The following SULF1 variants were observed in gnomAD, a reference collection of about 807,000 sequenced individuals.
SULF1 encodes sulfatase 1, also known as extracellular sulfatase Sulf-1.
Under a neutral mutation model 110.5 loss-of-function variants are expected in SULF1, and 46 were observed. That is an observed-to-expected ratio of 0.42 (90% CI 0.33 to 0.53). The LOEUF (loss-of-function observed/expected upper bound fraction) is 0.53, where lower values mean the gene tolerates loss of function less well. Among genes scored for constraint, SULF1 ranks in the 20% least tolerant of loss-of-function variants. The pLI is 0.12. For synonymous variants in SULF1, 371 were observed against 387.1 expected, an observed-to-expected ratio of 0.96 and a Z score of 0.49; for missense variants, 941 against 1,094.2, an observed-to-expected ratio of 0.86 and a Z score of 1.98.
intron 3 of SULF1, among the ~76,000 whole-genome samples, chr8:69,537,199 G>T (rs182567991): frequency 4.5e-4 from 69 of 152,226 alleles, no homozygotes; most frequent in African/African-American, 1.6e-3. Flanking sequence ...CACTCTATTT[G>T]TCTCTGCTGG....
At chr8:69,618,880 T>A (rs918173312) in intron 13 of SULF1, among the ~76,000 whole-genome samples, 2 of 152,170 alleles carry the variant, frequency 1.3e-5, no homozygotes, top group African/African-American at 4.8e-5. Context: ...TGGTTCATCA[T>A]GAATAATTGC....
chr8:69,604,725 A>G (rs1002208644), intron 12 of SULF1, 78 bp from the exon 13 acceptor site: 24 of 1,555,816 alleles, frequency 1.5e-5, no homozygotes, highest in African/African-American at 2.8e-5. Flanking sequence ...GACAGGGTAA[A>G]AAAAAAAAGG....
At chr8:69,498,053 A>C (rs1168124426) in intron 2 of SULF1, among the ~76,000 whole-genome samples, 1 of 151,906 alleles carries the variant, frequency 6.6e-6, no homozygotes, top group East Asian at 1.9e-4. Context: ...TTATCCTTTC[A>C]TTATAGGAAC....
intron 3 of SULF1, among the ~76,000 whole-genome samples, chr8:69,559,248 C>G (rs1322843810): frequency 6.6e-6 from 1 of 152,198 alleles, no homozygotes; most frequent in African/African-American, 2.4e-5. Context: ...GAAGCCATAT[C>G]AATGAACTTT....
intron 1 of SULF1, chr8:69,469,205 A>G (rs1019491791): frequency 2.6e-5 from 4 of 152,246 alleles, no homozygotes; most frequent in Non-Finnish European, 5.9e-5. Context: ...AGACATATTT[A>G]TGGCGACCTC....
At chr8:69,482,500 A>C (rs1809552366) in intron 1 of SULF1, among the ~76,000 whole-genome samples, 1 of 152,110 alleles carries the variant, frequency 6.6e-6, no homozygotes, top group Admixed American at 6.6e-5. Flanking sequence ...ATAGTGGTAT[A>C]AGATCATGAT....
chr8:69,600,780 T>C (rs756649657), intron 9 of SULF1, 27 bp downstream of exon 9: 72 of 1,604,142 alleles, frequency 4.5e-5, no homozygotes, highest in Non-Finnish European at 6.0e-5. Flanking sequence ...ACCTCAGTGA[T>C]AGTTTTTGGC....
intron 6 of SULF1, among the ~76,000 whole-genome samples, chr8:69,579,278 G>C (rs535523511): frequency 6.6e-6 from 1 of 151,944 alleles, no homozygotes; most frequent in Admixed American, 6.6e-5. Flanking sequence ...TTGGGGCCGG[G>C]TGCAGTGGCT....
chr8:69,652,336 G>A (rs763719681), intron 22 of SULF1, among the ~76,000 whole-genome samples: 4 of 152,188 alleles, frequency 2.6e-5, no homozygotes, highest in African/African-American at 4.8e-5. Flanking sequence ...CATCTTTGCC[G>A]GGTGGAGTCC....
At chr8:69,553,339 C>G (rs148547188) in intron 3 of SULF1, among the ~76,000 whole-genome samples, 284 of 152,308 alleles carry the variant, frequency 1.9e-3, no homozygotes, top group Middle Eastern at 6.8e-3. Context: ...CAAATCCAAG[C>G]CTTTGTGTTT....
At chr8:69,467,492 G>C (rs1015744325) in intron 1 of SULF1, among the ~76,000 whole-genome samples, 18 of 152,216 alleles carry the variant, frequency 1.2e-4, no homozygotes, top group Admixed American at 2.0e-4. Context: ...CTCCTGAAGA[G>C]AAGGGGCTAC....
rs543352062 is a variant in SULF1 at position 69,506,134 on chromosome 8, C to T, written c.-134+4166C>T. Among the ~76,000 whole-genome samples, 3 of 152,070 alleles carry T rather than the reference C, an allele frequency of 2.0e-5. No individual in the cohort carries two copies. In the South Asian group the frequency reaches 6.2e-4, roughly 32 times the overall value. On this transcript the variant is annotated intron_variant, in intron 3 of 22. Coordinates refer to ENST00000402687, the MANE Select transcript of SULF1 (RefSeq NM_001128205.2). Reference sequence around the variant, plus strand: ...ACGGTTCATACAATTTCTGCATTGTCTTTTTAGTTCTTTTAAATTTGTGCA... The same window carrying T: ...ACGGTTCATACAATTTCTGCATTGTTTTTTTAGTTCTTTTAAATTTGTGCA...
intron 19 of SULF1, among the ~76,000 whole-genome samples, chr8:69,632,855 T>A (rs995669487): frequency 6.6e-6 from 1 of 151,776 alleles, no homozygotes; most frequent in Non-Finnish European, 1.5e-5. Context: ...TGAAACCTTG[T>A]CTCTACAAAA....
Position 69,562,154 on chromosome 8 carries a change from T to C in SULF1, c.-133-1385T>C, listed in dbSNP as rs531856608. ...TCTTGTCTCTTTCTCTCTCTTGCAG[T>C]ATAATTACAGGCTGCAGAGTGAAAA... is the stretch of plus-strand genomic sequence containing the variant. On this transcript the variant is annotated intron_variant, in intron 3 of 22. Coordinates refer to ENST00000402687, the MANE Select transcript of SULF1 (RefSeq NM_001128205.2). 3.3e-5 allele frequency among the ~76,000 whole-genome samples: 5 copies of C among 152,382 alleles called. No individual in the cohort carries two copies. The South Asian group carries it at 1.0e-3, about 32-fold the overall frequency.
At chr8:69,490,985 G>A (rs571637871), upstream of SULF1, among the ~76,000 whole-genome samples, 6 of 152,232 alleles carry the variant, frequency 3.9e-5, no homozygotes, top group South Asian at 1.2e-3. Context: ...TCCTGAAGCC[G>A]AATCCTCAGG....
At chr8:69,537,372 C>T (rs1012068544) in intron 3 of SULF1, among the ~76,000 whole-genome samples, 1 of 152,172 alleles carries the variant, frequency 6.6e-6, no homozygotes, top group African/African-American at 2.4e-5. Context: ...TCATACATTT[C>T]TTTTTAATAA....
At chr8:69,604,982 T>C in intron 13 of SULF1, 50 bp downstream of exon 13, 2 of 1,596,472 alleles carry the variant, frequency 1.3e-6, no homozygotes, top group Non-Finnish European at 1.7e-6. Context: ...TCTCCATCTC[T>C]AATTTAGAAA....
At chr8:69,476,168 A>G (rs571883644) in intron 1 of SULF1, among the ~76,000 whole-genome samples, 2 of 152,288 alleles carry the variant, frequency 1.3e-5, no homozygotes, top group Admixed American at 1.3e-4. Flanking sequence ...ACATCCTTTC[A>G]CAGAATGTAC....
At chr8:69,610,608 T>C (rs1263252146) in intron 13 of SULF1, among the ~76,000 whole-genome samples, 3 of 152,222 alleles carry the variant, frequency 2.0e-5, no homozygotes, top group Non-Finnish European at 4.4e-5. Flanking sequence ...CTTCCTTCCC[T>C]CTTCAACCCA....
Sources: gnomAD v4.1 joint callset for allele counts (sites outside exome capture counted in the v4.1 genomes callset) on GRCh38, gnomAD v4.1.1 for gene constraint, MANE v1.5 for transcripts, NCBI Gene and HGNC (gene_info 2026-07-23, HGNC 2026-07-21) for gene names.